Variants in PCDHGB1 observed in about 807,000 individuals in gnomAD.
PCDHGB1 encodes protocadherin gamma-B1.
PCDHGB1 carries 34 observed loss-of-function variants against 56.6 expected under a neutral mutation model. That is an observed-to-expected ratio of 0.60 (90% CI 0.46 to 0.80). PCDHGB1 has a LOEUF of 0.80. PCDHGB1 is among the 30% of genes least tolerant of loss of function. The pLI is 0.00. For missense variants in PCDHGB1, 1,278 were observed against 1,204.6 expected (o/e 1.06, Z -0.90); for synonymous variants, 561 against 505.9 (o/e 1.11, Z -1.46).
chr5:141,384,237 C>T, intron 1 of PCDHGB1: 2 of 1,613,888 alleles, frequency 1.2e-6, no homozygotes, highest in East Asian at 2.2e-5. Flanking sequence ...CAGACACCAA[C>T]GATAACCCAC....
intron 1 of PCDHGB1, chr5:141,417,686 G>A (rs1300052006): frequency 8.4e-6 from 9 of 1,068,196 alleles, no homozygotes; most frequent in South Asian, 1.8e-5. Context: ...CAACAGAAAA[G>A]AAAACCAGCT....
At chr5:141,435,346 G>A (rs2097758346) in intron 1 of PCDHGB1, among the ~76,000 whole-genome samples, 1 of 152,012 alleles carries the variant, frequency 6.6e-6, no homozygotes, top group South Asian at 2.1e-4. Flanking sequence ...TATTTCTTCT[G>A]CATTTAAAAT....
chr5:141,402,807 T>G, intron 1 of PCDHGB1: 2 of 1,165,464 alleles, frequency 1.7e-6, no homozygotes, highest in Non-Finnish European at 2.3e-6. Flanking sequence ...ACCCGGCAGA[T>G]ACCACAAACC....
chr5:141,463,438 CTTTTTTTTTTTTTTT>C (rs71576115), intron 1 of PCDHGB1, among the ~76,000 whole-genome samples: 7 of 103,256 alleles, frequency 6.8e-5, no homozygotes, highest in African/African-American at 3.1e-4. Flanking sequence ...TTTCCTTCTC[CTTTTTTTTTTTTTTT>C]TTTTTTTTTT....
rs750233767 is a variant in PCDHGB1 at position 141,490,877 on chromosome 5, C to A, written c.2410-3930C>A. 1 of 1,613,880 alleles carries A rather than the reference C, an allele frequency of 6.2e-7. No individual in the cohort carries two copies. Among genetic ancestry groups the A allele is most frequent in the Non-Finnish European group, 8.5e-7 (1 of 1,179,900 alleles). On this transcript the variant is annotated intron_variant, in intron 1 of 3. Coordinates refer to ENST00000523390, the MANE Select transcript of PCDHGB1 (RefSeq NM_018922.3). This position sits in a 1 kb window ranked among gnomAD's most constrained non-coding sequence, Gnocchi z 5.4. Reference sequence around the variant, plus strand: ...GACTCCGGCTCTCCCCCATTGCATGCCAACACATCTCTGCATGTGTTTGTC... The same window carrying A: ...GACTCCGGCTCTCCCCCATTGCATGACAACACATCTCTGCATGTGTTTGTC...
At chr5:141,399,987 A>T in intron 1 of PCDHGB1, 1 of 1,612,224 alleles carries the variant, frequency 6.2e-7, no homozygotes, top group Non-Finnish European at 8.5e-7. Flanking sequence ...TGCGCACAGG[A>T]GAGGTGCGCA....
intron 1 of PCDHGB1, among the ~76,000 whole-genome samples, chr5:141,460,620 C>G (rs185269852): frequency 5.6e-4 from 85 of 151,856 alleles, no homozygotes; most frequent in African/African-American, 1.9e-3. Context: ...GATAGATAGA[C>G]AGATACAGAT....
chr5:141,492,106 C>T (rs1265796740), intron 1 of PCDHGB1, among the ~76,000 whole-genome samples: 2 of 152,238 alleles, frequency 1.3e-5, no homozygotes, highest in South Asian at 2.1e-4. Flanking sequence ...TGTAGATTTC[C>T]TCTTCGATTT....
intron 1 of PCDHGB1, chr5:141,430,990 GA>G (rs1185464233): frequency 1.2e-6 from 2 of 1,613,970 alleles, no homozygotes; most frequent in East Asian, 4.5e-5. Context: ...TTTTCGCCCT[GA>G]ATCCGCGCAG....
At chr5:141,419,477 C>G (rs760970548) in intron 1 of PCDHGB1, 1 of 1,612,420 alleles carries the variant, frequency 6.2e-7, no homozygotes, top group Non-Finnish European at 8.5e-7. Flanking sequence ...CCAGGGCTCG[C>G]CCGCGCTCAG....
intron 1 of PCDHGB1, among the ~76,000 whole-genome samples, chr5:141,439,161 C>T (rs1384707803): frequency 6.6e-6 from 1 of 150,850 alleles, no homozygotes; most frequent in Non-Finnish European, 1.5e-5. Flanking sequence ...CCACTGCACT[C>T]CAGCCTGGGC....
intron 1 of PCDHGB1, among the ~76,000 whole-genome samples, chr5:141,465,040 C>T (rs1396261200): frequency 6.6e-6 from 1 of 151,842 alleles, no homozygotes; most frequent in Non-Finnish European, 1.5e-5. Context: ...CCACAAATGA[C>T]CCTATATATT....
Position 141,476,500 on chromosome 5 carries a change from C to A in PCDHGB1, c.2410-18307C>A. The A allele has an allele frequency of 6.2e-7, 1 of 1,613,874 alleles. No homozygotes were observed. The highest frequency in any genetic ancestry group is 8.5e-7 in the Non-Finnish European group (1 of 1,179,950). ...GCGTGGAAGTGGTGATCCAGGACAT[C>A]AACGACAACAATCCTGCTTTCCCTA... On this transcript the variant is annotated intron_variant, in intron 1 of 3. Coordinates refer to ENST00000523390, the MANE Select transcript of PCDHGB1 (RefSeq NM_018922.3). The surrounding 1 kb of genome is among the most constrained non-coding windows in gnomAD (Gnocchi z 7.6).
At chr5:141,427,659 G>A (rs546743297) in intron 1 of PCDHGB1, 3 of 742,336 alleles carry the variant, frequency 4.0e-6, no homozygotes, top group East Asian at 5.3e-5. Context: ...CGTGGTCCAC[G>A]TGGCCGAAAA....
At chr5:141,409,119 C>T (rs1231583978) in intron 1 of PCDHGB1, 8 of 1,613,810 alleles carry the variant, frequency 5.0e-6, no homozygotes, top group Non-Finnish European at 6.8e-6. Flanking sequence ...AATAACCAGT[C>T]ATTTGATTTT....
At chr5:141,393,228 G>C (rs753113857) in intron 1 of PCDHGB1, 2 of 1,613,720 alleles carry the variant, frequency 1.2e-6, no homozygotes, top group East Asian at 2.2e-5. Context: ...CGAAGATCTA[G>C]AAGTAAAAAT....
At chr5:141,415,725 T>A in intron 1 of PCDHGB1, 1 of 1,437,122 alleles carries the variant, frequency 7.0e-7, no homozygotes, top group Non-Finnish European at 9.2e-7. Context: ...TGAGTAGAAT[T>A]TGATGTTTAT....
chr5:141,385,037 C>T, intron 1 of PCDHGB1: 1 of 1,614,148 alleles, frequency 6.2e-7, no homozygotes, highest in Non-Finnish European at 8.5e-7. Context: ...GTACTGCTGG[C>T]GCTCAGGCTG....
chr5:141,359,108 A>G (rs1202027326), intron 1 of PCDHGB1, among the ~76,000 whole-genome samples: 1 of 152,248 alleles, frequency 6.6e-6, no homozygotes, highest in Non-Finnish European at 1.5e-5. Flanking sequence ...TTGTATTCAT[A>G]GAAAGTTGTG....
Sources: allele counts gnomAD v4.1 joint callset (sites outside exome capture counted in the v4.1 genomes callset), GRCh38; gene constraint gnomAD v4.1.1; non-coding constraint Gnocchi (gnomAD v3.1); transcripts MANE v1.5; gene names NCBI Gene and HGNC (gene_info 2026-07-23, HGNC 2026-07-21).